The following BHLHA15 variants were observed in gnomAD, a reference collection of about 807,000 sequenced individuals.
The protein encoded by BHLHA15 is class A basic helix-loop-helix protein 15.
A neutral mutation model predicts 10.4 loss-of-function variants in BHLHA15; 7 were observed. The observed-to-expected ratio is 0.67, with a 90% CI of 0.38 to 1.26. BHLHA15 has a LOEUF of 1.26. Ranked by LOEUF, BHLHA15 falls within the 50% of genes most tolerant of loss-of-function variation. BHLHA15 has a pLI of 0.02. For synonymous variants in BHLHA15, 140 were observed against 131.5 expected (o/e 1.06, Z -0.44); for missense variants, 289 against 287.4 (o/e 1.01, Z -0.04).
In BHLHA15 at chr7:98,213,806, T is replaced by G. The variant is rs1797943781; in HGVS notation, c.*927T>G. On this transcript the variant is annotated 3_prime_UTR_variant, in exon 2 of 2. Transcript: ENST00000609256. ...TCACTGATGTGGGGTTATCATATAA[T>G]TGGCACCATGCTGTCTGTAGGACAT... 6.6e-6 allele frequency among the ~76,000 whole-genome samples: 1 copy of G among 152,210 alleles called. No individual in the cohort carries two copies. The highest frequency in any genetic ancestry group is 1.5e-5 in the Non-Finnish European group (1 of 68,018).
At position 98,213,716 on chromosome 7, in the gene BHLHA15, G is replaced by C. The variant is rs1420801242; in HGVS notation, c.*837G>C. On this transcript the variant is annotated 3_prime_UTR_variant, in exon 2 of 2. Transcript: ENST00000609256. ...GAGCAGCTCTGAGGCCTCCTGCTCA[G>C]CCCTGGCCTGTGTGGGGAGCGAGTG... 1.3e-5 allele frequency among the ~76,000 whole-genome samples: 2 copies of C among 152,242 alleles called. No individual in the cohort carries two copies. Among genetic ancestry groups the C allele is most frequent in the African/African-American group, 4.8e-5 (2 of 41,472 alleles).
rs1215851554 is a variant in BHLHA15, at chr7:98,214,440, G to A, written c.*1561G>A. Among the ~76,000 whole-genome samples the A allele has an allele frequency of 3.3e-5, 5 of 152,170 alleles. No homozygotes were observed. ...GTCTGCCCCTTGGGAGGGGCACTCT[G>A]GAAGGTCAGGGTGATCCACAACTGT... On this transcript the variant is annotated 3_prime_UTR_variant, in exon 2 of 2. Transcript: ENST00000609256.
Position 98,212,340 on chromosome 7 carries a change from C to A in BHLHA15, c.31C>A (p.Arg11=). MKTKNRPPRR[R]APVQDTEATP... ...GACCAAGAACCGGCCCCCACGGCGC[C>A]GGGCCCCGGTGCAGGACACAGAGGC... The change falls in exon 2 of 2, where the codon CGG becomes AGG. Residue 11 remains arginine, a synonymous_variant. Coordinates refer to ENST00000609256, the MANE Select transcript of BHLHA15 (RefSeq NM_177455.4). 7.2e-7 allele frequency: 1 copy of A among 1,380,440 alleles called. No individual in the cohort carries two copies. Among genetic ancestry groups the A allele is most frequent in the Non-Finnish European group, 9.4e-7 (1 of 1,066,322 alleles). The allele number at this position is 1,380,440 out of a possible 1,614,324, so 85.5% of individuals were successfully genotyped here. A position where few individuals can be genotyped will look rare whatever the true frequency, so the allele number is the denominator to read the frequency against.
Position 98,213,328 on chromosome 7 carries a change from T to C in BHLHA15, c.*449T>C, listed in dbSNP as rs1252822604. Among the ~76,000 whole-genome samples the C allele has an allele frequency of 1.3e-5, 2 of 152,174 alleles. No homozygotes were observed. Among genetic ancestry groups the C allele is most frequent in the Non-Finnish European group, 2.9e-5 (2 of 68,026 alleles). ...CTCCAACCTTTGTTATAGGGCTACA[T>C]GGGGCCTGGGCTCAGCATCCTCATT... On this transcript the variant is annotated 3_prime_UTR_variant, in exon 2 of 2. Coordinates refer to ENST00000609256, the MANE Select transcript of BHLHA15 (RefSeq NM_177455.4).
rs939239349 is a variant in BHLHA15, at chr7:98,212,303, C to G, written c.-7C>G. ...CCGCCACCTCCTAGGACAGCCAGTC[C>G]AGGGCCATGAAGACCAAGAACCGGC... is the stretch of plus-strand genomic sequence containing the variant. On this transcript the variant is annotated 5_prime_UTR_variant, in exon 2 of 2. Transcript: ENST00000609256. The G allele has an allele frequency of 3.9e-5, 53 of 1,357,046 alleles. No homozygotes were observed. The highest frequency in any genetic ancestry group is 4.7e-5 in the Non-Finnish European group (50 of 1,053,046). The allele number at this position is 1,357,046 out of a possible 1,614,324, so 84.1% of individuals were successfully genotyped here.
chr7:98,213,065 A>C lies in BHLHA15; in HGVS notation c.*186A>C. 1.6e-6 allele frequency: 1 copy of C among 607,856 alleles called. No individual in the cohort carries two copies. The highest frequency in any genetic ancestry group is 2.7e-6 in the Non-Finnish European group (1 of 366,100). 37.7% of individuals were successfully genotyped at this position (607,856 alleles called of 1,614,324 possible). The stretch of plus-strand genomic sequence containing the variant: ...AGCAATTTTTCCTGCCCCGCTGGGG[A>C]CCAGCGAGTGGCCTAGTTGCGGCTG... On this transcript the variant is annotated 3_prime_UTR_variant, in exon 2 of 2. Transcript: ENST00000609256.
In BHLHA15 at chr7:98,212,388, G is replaced by A. The variant is rs769516401; in HGVS notation, c.79G>A (p.Asp27Asn). ...TEATPGEGTP[D>N]GSLPNPGPEP... ...GGCCACCCCCGGGGAGGGGACGCCC[G>A]ACGGGTCCCTGCCGAACCCGGGGCC... Residue 27 changes from aspartate (D) to asparagine (N), a missense_variant, in exon 2 of 2, where the codon GAC (aspartate) becomes AAC (asparagine). Asp to Asn is a conservative substitution (Grantham distance 23, BLOSUM62 1). Transcript: ENST00000609256. 78 of 1,460,946 alleles carry A rather than the reference G, an allele frequency of 5.3e-5. No homozygotes were observed. Among genetic ancestry groups the A allele is most frequent in the Non-Finnish European group, 6.2e-5 (69 of 1,108,138 alleles). The allele number at this position is 1,460,946 out of a possible 1,614,324, so 90.5% of individuals were successfully genotyped here. A position where few individuals can be genotyped will look rare whatever the true frequency, so the allele number is the denominator to read the frequency against.
chr7:98,212,268 C>A lies in BHLHA15; in HGVS notation c.-42C>A. On this transcript the variant is annotated 5_prime_UTR_variant, in exon 2 of 2. Transcript: ENST00000609256. ...TTCTGGATTTCAGCTCCAAGGGCCT[C>A]ACCTTCCTGCCGCCACCTCCTAGGA... is the stretch of plus-strand genomic sequence containing the variant. 1 of 1,317,980 alleles carries A rather than the reference C, an allele frequency of 7.6e-7. No individual in the cohort carries two copies. The highest frequency in any genetic ancestry group is 2.4e-5 in the South Asian group (1 of 41,824). 81.6% of individuals were successfully genotyped at this position (1,317,980 alleles called of 1,614,324 possible).
Position 98,212,461 on chromosome 7 carries a change from G to C in BHLHA15, c.152G>C (p.Arg51Thr), listed in dbSNP as rs1426422499. The change falls in exon 2 of 2, where the codon AGG (arginine) becomes ACG (threonine). Residue 51 changes from arginine to threonine, a missense_variant. Arg to Thr is a moderately conservative substitution (Grantham distance 71, BLOSUM62 -1). Transcript: ENST00000609256. ...AGCCGGCCGGCCCGGGCCGCAGCAA[G>C]GGCTCCGGGCGAGGGCAGGCGCAGG... ...LRSRPARAAARAPGEGRRRRP... is the reference protein window; with the variant it reads ...LRSRPARAAATAPGEGRRRRP... 1.3e-6 allele frequency: 2 copies of C among 1,541,676 alleles called. No homozygotes were observed. Among genetic ancestry groups the C allele is most frequent in the Non-Finnish European group, 1.7e-6 (2 of 1,143,766 alleles).
rs960077879 is a variant in BHLHA15 at position 98,213,837 on chromosome 7, C to T, written c.*958C>T. On this transcript the variant is annotated 3_prime_UTR_variant, in exon 2 of 2. Transcript: ENST00000609256. ...CCATGCTGTCTGTAGGACATTATGACGTGCTTGGGTTCTGGTTTGAGTTGG... is the reference window on the plus strand; with the variant it reads ...CCATGCTGTCTGTAGGACATTATGATGTGCTTGGGTTCTGGTTTGAGTTGG... 1.3e-5 allele frequency among the ~76,000 whole-genome samples: 2 copies of T among 152,196 alleles called. No individual in the cohort carries two copies. Among genetic ancestry groups the T allele is most frequent in the African/African-American group, 4.8e-5 (2 of 41,450 alleles).
chr7:98,212,155 A>G (rs1485531920), intron 1 of BHLHA15, 101 bp from the exon 2 acceptor site: 1 of 615,068 alleles, frequency 1.6e-6, no homozygotes, highest in Non-Finnish European at 2.5e-6. Context: ...TGCCCCTGGT[A>G]CCATTGCTGT....
rs1227354650 is a variant in BHLHA15 at position 98,214,436 on chromosome 7, C to A, written c.*1557C>A. ...CTGGGTCTGCCCCTTGGGAGGGGCA[C>A]TCTGGAAGGTCAGGGTGATCCACAA... On this transcript the variant is annotated 3_prime_UTR_variant, in exon 2 of 2. Transcript: ENST00000609256. Among the ~76,000 whole-genome samples the A allele has an allele frequency of 1.3e-5, 2 of 152,156 alleles. No homozygotes were observed. The highest frequency in any genetic ancestry group is 2.9e-5 in the Non-Finnish European group (2 of 68,028).
chr7:98,212,374 G>A lies in BHLHA15; in HGVS notation c.65G>A (p.Gly22Glu). 1 of 1,437,964 alleles carries A rather than the reference G, an allele frequency of 7.0e-7. No individual in the cohort carries two copies. Among genetic ancestry groups the A allele is most frequent in the Non-Finnish European group, 9.1e-7 (1 of 1,097,790 alleles). 89.1% of individuals were successfully genotyped at this position (1,437,964 alleles called of 1,614,324 possible). ...APVQDTEATP[G>E]EGTPDGSLPN... The stretch of plus-strand genomic sequence containing the variant: ...GTGCAGGACACAGAGGCCACCCCCG[G>A]GGAGGGGACGCCCGACGGGTCCCTG... The change falls in exon 2 of 2, where the codon GGG (glycine) becomes GAG (glutamate). Residue 22 changes from glycine to glutamate, a missense_variant. Transcript: ENST00000609256.
At chr7:98,212,210 T>G (rs1797915803) in intron 1 of BHLHA15, 46 bp from the exon 2 acceptor site, 2 of 1,159,356 alleles carry the variant, frequency 1.7e-6, no homozygotes, top group Non-Finnish European at 2.2e-6. Context: ...GCGGGTCCCC[T>G]GCCCATGTGG....
At position 98,213,272 on chromosome 7, in the gene BHLHA15, T is replaced by C. The variant is rs1370798641; in HGVS notation, c.*393T>C. On this transcript the variant is annotated 3_prime_UTR_variant, in exon 2 of 2. Coordinates refer to ENST00000609256, the MANE Select transcript of BHLHA15 (RefSeq NM_177455.4). ...CAGGAAAAGGTTTACCTGCAGGTTTTCCAAGGCCAAAGCCCCAGCAAGGAC... is the reference window on the plus strand; with the variant it reads ...CAGGAAAAGGTTTACCTGCAGGTTTCCCAAGGCCAAAGCCCCAGCAAGGAC... 6.6e-6 allele frequency among the ~76,000 whole-genome samples: 1 copy of C among 152,186 alleles called. No homozygotes were observed. The highest frequency in any genetic ancestry group is 1.5e-5 in the Non-Finnish European group (1 of 68,026).
rs1359673820 is a variant in BHLHA15 at position 98,213,906 on chromosome 7, G to T, written c.*1027G>T. 1.3e-5 allele frequency among the ~76,000 whole-genome samples: 2 copies of T among 152,166 alleles called. No individual in the cohort carries two copies. The highest frequency in any genetic ancestry group is 2.4e-5 in the African/African-American group (1 of 41,456). On this transcript the variant is annotated 3_prime_UTR_variant, in exon 2 of 2. Transcript: ENST00000609256. Reference sequence around the variant, plus strand: ...TGCCTGGTGGAGCCTTGGGGTGGCAGGTACGTCCCTTCCCCCGCCCAGGTG... The same window carrying T: ...TGCCTGGTGGAGCCTTGGGGTGGCATGTACGTCCCTTCCCCCGCCCAGGTG...
chr7:98,212,229 CAG>C, intron 1 of BHLHA15, 25 bp from the exon 2 acceptor site: 1 of 1,261,318 alleles, frequency 7.9e-7, no homozygotes, highest in Non-Finnish European at 1.0e-6. Context: ...GGGGTGACCA[CAG>C]AGTGTCCTGT....
Position 98,213,525 on chromosome 7 carries a change from T to G in BHLHA15, c.*646T>G, listed in dbSNP as rs1371246020. Among the ~76,000 whole-genome samples, 4 of 152,184 alleles carry G rather than the reference T, an allele frequency of 2.6e-5. No individual in the cohort carries two copies. The highest frequency in any genetic ancestry group is 7.2e-5 in the African/African-American group (3 of 41,452). On this transcript the variant is annotated 3_prime_UTR_variant, in exon 2 of 2. Coordinates refer to ENST00000609256, the MANE Select transcript of BHLHA15 (RefSeq NM_177455.4). Reference sequence around the variant, plus strand: ...GAGTCTCTTCCTCCCTCCTCCCAAGTTGGGGCTCCTGGATGTGTTGACTCC... The same window carrying G: ...GAGTCTCTTCCTCCCTCCTCCCAAGGTGGGGCTCCTGGATGTGTTGACTCC...
rs753857700 is a variant in BHLHA15, at chr7:98,212,434, G to A, written c.125G>A (p.Arg42Gln). Residue 42 changes from arginine (R) to glutamine (Q), a missense_variant, in exon 2 of 2, where the codon CGG becomes CAG. Coordinates refer to ENST00000609256, the MANE Select transcript of BHLHA15 (RefSeq NM_177455.4). ...GGGCCAGAGCCGGCCAAGGGTCTGC[G>A]GAGCCGGCCGGCCCGGGCCGCAGCA... ...NPGPEPAKGL[R>Q]SRPARAAARA... The A allele has an allele frequency of 1.1e-5, 17 of 1,518,018 alleles. No homozygotes were observed. Among genetic ancestry groups the A allele is most frequent in the Middle Eastern group, 1.9e-4 (1 of 5,214 alleles). 94.0% of individuals were successfully genotyped at this position (1,518,018 alleles called of 1,614,324 possible). A position where few individuals can be genotyped will look rare whatever the true frequency, so the allele number is the denominator to read the frequency against.
Sources: gnomAD v4.1 joint callset for allele counts (sites outside exome capture counted in the v4.1 genomes callset) on GRCh38, gnomAD v4.1.1 for gene constraint, MANE v1.5 for transcripts, NCBI Gene and HGNC (gene_info 2026-07-23, HGNC 2026-07-21) for gene names.